The following VPS53 variants were observed in gnomAD, a reference collection of about 807,000 sequenced individuals.
The protein encoded by VPS53 is VPS53 subunit of GARP complex.
In VPS53, 70 loss-of-function variants were observed where a neutral mutation model predicts 107.0. That is an observed-to-expected ratio of 0.65 (90% CI 0.54 to 0.80). The LOEUF (loss-of-function observed/expected upper bound fraction) is 0.80. VPS53 is among the 30% of genes least tolerant of loss of function. VPS53 has a pLI of 0.00. For missense variants in VPS53, 917 were observed against 1,049.4 expected (o/e 0.87, Z 1.74); for synonymous variants, 409 against 393.3 (o/e 1.04, Z -0.47).
chr17:668,183 G>A (rs917221110), intron 4 of VPS53, among the ~76,000 whole-genome samples: 1 of 152,108 alleles, frequency 6.6e-6, no homozygotes, highest in Non-Finnish European at 1.5e-5. Context: ...TCATCCATTT[G>A]GTTTACCGGG....
chr17:662,427 C>T (rs1031825543), intron 4 of VPS53, among the ~76,000 whole-genome samples: 56 of 152,320 alleles, frequency 3.7e-4, no homozygotes, highest in Non-Finnish European at 6.9e-4. Context: ...CAGTGGCTCA[C>T]GCCTGTAATC....
At chr17:573,783 G>A (rs531560765) in intron 13 of VPS53, among the ~76,000 whole-genome samples, 9 of 152,280 alleles carry the variant, frequency 5.9e-5, no homozygotes, top group African/African-American at 2.2e-4. Flanking sequence ...TCAGGCCCAC[G>A]CTCTTTCCAC....
At chr17:619,161 G>A (rs1969327679) in intron 11 of VPS53, among the ~76,000 whole-genome samples, 1 of 145,644 alleles carries the variant, frequency 6.9e-6, no homozygotes, top group Admixed American at 6.9e-5. Context: ...TTCCCAGGTA[G>A]CTGGGACTAC....
At chr17:695,718 A>AATTTTGTACTTTTTGAAGATGCAGG (rs1972937388) in intron 4 of VPS53, among the ~76,000 whole-genome samples, 1 of 151,956 alleles carries the variant, frequency 6.6e-6, no homozygotes, top group Admixed American at 6.6e-5. Flanking sequence ...ATGCCCAGCT[A>AATTTTGTACTTTTTGAAGATGCAGG]ATTTTGTACT....
intron 11 of VPS53, among the ~76,000 whole-genome samples, chr17:620,194 G>A (rs905855425): frequency 6.6e-6 from 1 of 152,224 alleles, no homozygotes; most frequent in Admixed American, 6.5e-5. Flanking sequence ...GTGAGCCCAA[G>A]TAGGCAGGAC....
At chr17:591,475 T>C (rs1340220047) in intron 12 of VPS53, among the ~76,000 whole-genome samples, 5 of 152,288 alleles carry the variant, frequency 3.3e-5, no homozygotes, top group Non-Finnish European at 1.5e-5. Flanking sequence ...GATGTTAGGG[T>C]GTCAATTTTG....
At chr17:662,293 G>A (rs1174638558) in intron 4 of VPS53, among the ~76,000 whole-genome samples, 1 of 152,196 alleles carries the variant, frequency 6.6e-6, no homozygotes, top group African/African-American at 2.4e-5. Context: ...GTTCCAGATT[G>A]TGCATTCAAA....
chr17:553,730 C>A (rs1912084844), intron 15 of VPS53, among the ~76,000 whole-genome samples: 1 of 151,868 alleles, frequency 6.6e-6, no homozygotes, highest in South Asian at 2.1e-4. Flanking sequence ...GCTACCACAC[C>A]CGGCTAATTT....
chr17:713,819 T>C (rs2740358), intron 1 of VPS53, among the ~76,000 whole-genome samples: 80,053 of 151,122 alleles, frequency 0.53, 23,251 homozygotes, highest in Non-Finnish European at 0.64. Flanking sequence ...GCGGGCGGGT[T>C]ACTTGAGCTC....
At chr17:557,257 C>A (rs576588273) in intron 15 of VPS53, among the ~76,000 whole-genome samples, 3 of 152,286 alleles carry the variant, frequency 2.0e-5, no homozygotes, top group Admixed American at 6.5e-5. Context: ...CTGACTCCAG[C>A]CTCTGCCTCC....
intron 6 of VPS53, among the ~76,000 whole-genome samples, chr17:653,962 G>A (rs907133660): frequency 3.3e-5 from 5 of 152,318 alleles, no homozygotes; most frequent in South Asian, 2.1e-4. Context: ...GTGGGAGGCC[G>A]AGGCGGGCAG....
intron 7 of VPS53, among the ~76,000 whole-genome samples, chr17:632,393 T>G (rs1970000519): frequency 6.6e-6 from 1 of 152,074 alleles, no homozygotes; most frequent in African/African-American, 2.4e-5. Context: ...GGGTATATAA[T>G]CATTATATAT....
rs1216641621 is a variant in VPS53, at chr17:520,928, C to T, written c.2223+673G>A. On this transcript the variant is annotated intron_variant, in intron 20 of 21. Coordinates refer to ENST00000437048, the MANE Select transcript of VPS53 (RefSeq NM_001128159.3). The surrounding 1 kb of genome is among the most constrained non-coding windows in gnomAD (Gnocchi z 4.4). The stretch of plus-strand genomic sequence containing the variant: ...TGCTTCATCCTCACCCACATCCCAC[C>T]GGTGTCTGAGGCCCTGCTGCCACTT... Among the ~76,000 whole-genome samples the T allele has an allele frequency of 6.6e-6, 1 of 152,158 alleles. No individual in the cohort carries two copies. The highest frequency in any genetic ancestry group is 1.5e-5 in the Non-Finnish European group (1 of 68,030).
intron 20 of VPS53, 89 bp downstream of exon 20, chr17:521,512 G>C (rs1681506646): frequency 7.2e-7 from 1 of 1,383,454 alleles, no homozygotes; most frequent in Non-Finnish European, 9.5e-7. Context: ...GGCCGGTGAG[G>C]ATAGGACCTA....
At chr17:630,640 C>T (rs1184674775) in intron 8 of VPS53, among the ~76,000 whole-genome samples, 2 of 152,202 alleles carry the variant, frequency 1.3e-5, no homozygotes, top group Non-Finnish European at 2.9e-5. Context: ...GCTGGGGCCG[C>T]TACTCCCACT....
chr17:577,196 C>T lies in VPS53; in HGVS notation c.1313+9074G>A, dbSNP rs72477032. ...CATTTCCAGAGAACTTCCCTCAGGA[C>T]GTCAATGCGTTCCCAGAGAACCTCC... On this transcript the variant is annotated intron_variant, in intron 13 of 21. Transcript: ENST00000437048. Among the ~76,000 whole-genome samples the T allele has an allele frequency of 2.1e-3, 308 of 149,842 alleles. 9 individuals carry two copies. The East Asian group carries it at 0.056, about 27-fold the overall frequency.
At chr17:563,257 CT>C (rs1161164870) in intron 13 of VPS53, among the ~76,000 whole-genome samples, 1 of 144,010 alleles carries the variant, frequency 6.9e-6, no homozygotes, top group East Asian at 2.0e-4. Flanking sequence ...TATGTCCATG[CT>C]TTATACCCAT....
chr17:517,558 C>A lies in VPS53; in HGVS notation c.*1570G>T. ...TTTTTGAGAAGGGGTCTTGCTCTGT[C>A]ACCCAGGCTGGAGTGCAGTGGTGAA... On this transcript the variant is annotated 3_prime_UTR_variant, in exon 22 of 22. Transcript: ENST00000437048. 7.6e-6 allele frequency: 3 copies of A among 397,110 alleles called. No homozygotes were observed. Among genetic ancestry groups the A allele is most frequent in the South Asian group, 2.6e-4 (2 of 7,718 alleles). The allele number at this position is 397,110 out of a possible 1,614,324, so 24.6% of individuals were successfully genotyped here.
At chr17:600,206 T>C (rs1368204909) in intron 12 of VPS53, 1 of 152,222 alleles carries the variant, frequency 6.6e-6, no homozygotes, top group South Asian at 2.1e-4. Flanking sequence ...CATCCAGAGA[T>C]GACTAGCGAA....
Sources: allele counts gnomAD v4.1 joint callset (sites outside exome capture counted in the v4.1 genomes callset), GRCh38; gene constraint gnomAD v4.1.1; non-coding constraint Gnocchi (gnomAD v3.1); transcripts MANE v1.5; gene names NCBI Gene and HGNC (gene_info 2026-07-23, HGNC 2026-07-21).